The following DDB2 variants were observed in gnomAD, a reference collection of about 807,000 sequenced individuals.
The protein encoded by DDB2 is DNA damage-binding protein 2.
A neutral mutation model predicts 50.5 loss-of-function variants in DDB2; 27 were observed. The ratio of observed to expected loss-of-function variants is 0.53; its 90% confidence interval spans 0.39 to 0.74. The LOEUF is 0.74. Among genes scored for constraint, DDB2 ranks in the 30% least tolerant of loss-of-function variants. The pLI, the probability that DDB2 is intolerant of heterozygous loss-of-function variation, is 0.00. For missense variants in DDB2, 424 were observed against 545.6 expected (o/e 0.78, Z 2.22); for synonymous variants, 176 against 205.5 (o/e 0.86, Z 1.23).
rs1565150251 is a variant in DDB2, at chr11:47,216,480, A to AT, written c.264+14dup. On this transcript the variant is annotated intron_variant, in intron 2 of 9. Coordinates refer to ENST00000256996, the MANE Select transcript of DDB2 (RefSeq NM_000107.3). Reference sequence around the variant, plus strand: ...TGGCCATCTGTCCAGCAGGTAAGGCATTTTTTGCCTCAAGTCCTCAAGGGT... The same window carrying AT: ...TGGCCATCTGTCCAGCAGGTAAGGCATTTTTTTGCCTCAAGTCCTCAAGGGT... The AT allele has an allele frequency of 1.2e-6, 2 of 1,612,732 alleles. No homozygotes were observed. Among genetic ancestry groups the AT allele is most frequent in the East Asian group, 2.2e-5 (1 of 44,874 alleles).
intron 4 of DDB2, 49 bp from the exon 5 acceptor site, chr11:47,234,524 A>G (rs746985177): frequency 2.0e-6 from 3 of 1,493,220 alleles, no homozygotes; most frequent in Non-Finnish European, 2.8e-6. Flanking sequence ...GTGAGTAAAT[A>G]GGACTATCTC....
In DDB2 at chr11:47,215,100, C is replaced by T. The variant is rs758089001; in HGVS notation, c.-37C>T. ...CTCTCAATCCTCCCTCCATGATCTT[C>T]GCATAGAGCACAGTACCCCTTCACA... On this transcript the variant is annotated 5_prime_UTR_variant, in exon 1 of 10. Transcript: ENST00000256996. 2.0e-5 allele frequency: 32 copies of T among 1,613,786 alleles called. No individual in the cohort carries two copies. Among genetic ancestry groups the T allele is most frequent in the Non-Finnish European group, 8.5e-6 (10 of 1,179,934 alleles).
intron 7 of DDB2, chr11:47,236,091 C>T (rs1221370766): frequency 6.6e-6 from 1 of 152,046 alleles, no homozygotes; most frequent in Non-Finnish European, 1.5e-5. Context: ...CGCCACCATA[C>T]CCAGCTAATT....
rs541629437 is a variant in DDB2 at position 47,216,911 on chromosome 11, G to C, written c.318G>C (p.Lys106Asn). 1 of 1,614,064 alleles carries C rather than the reference G, an allele frequency of 6.2e-7. No individual in the cohort carries two copies. The highest frequency in any genetic ancestry group is 8.5e-7 in the Non-Finnish European group (1 of 1,180,014). The change falls in exon 3 of 10, where the codon AAG becomes AAC. Residue 106 changes from lysine (K) to asparagine (N), a missense_variant. Lys to Asn is a moderately conservative substitution (Grantham distance 94, BLOSUM62 0). Transcript: ENST00000256996. ...TGGATTCTTACCGGATATTACAAAA[G>C]GCTGCCCCCTTTGACAGGAGGGCTA... ...HTLDSYRILQ[K>N]AAPFDRRATS...
rs561547915 is a variant in DDB2 at position 47,236,848 on chromosome 11, G to A, written c.1024-989G>A. On this transcript the variant is annotated intron_variant, in intron 7 of 9. Transcript: ENST00000256996. ...TCCATCTGTCTGCATGTCCCAGTTT[G>A]TATCTAGCCAGGTGTCGTAAGTCAT... 1.6e-4 allele frequency among the ~76,000 whole-genome samples: 24 copies of A among 152,324 alleles called. No individual in the cohort carries two copies. The South Asian group carries it at 1.7e-3, about 11-fold the overall frequency.
intron 6 of DDB2, 65 bp from the exon 7 acceptor site, chr11:47,235,204 GC>G (rs1356226183): frequency 7.5e-6 from 12 of 1,596,170 alleles, no homozygotes; most frequent in Non-Finnish European, 1.0e-5. Flanking sequence ...GCAGGAGAAG[GC>G]CTGCAAGGCC....
At position 47,235,240 on chromosome 11, in the gene DDB2, C is replaced by T. The variant is rs1221060245; in HGVS notation, c.881-30C>T. On this transcript the variant is annotated intron_variant, in intron 6 of 9. Coordinates refer to ENST00000256996, the MANE Select transcript of DDB2 (RefSeq NM_000107.3). ...CAGGACCACAGAGGGCTTGTGGTTC[C>T]TTCAGCTCAGGGGCTTTTCACTTTG... is the stretch of plus-strand genomic sequence containing the variant. The T allele has an allele frequency of 1.9e-6, 3 of 1,614,250 alleles. No individual in the cohort carries two copies. In the South Asian group the frequency reaches 3.3e-5, roughly 18 times the overall value.
chr11:47,231,373 G>A (rs541838147), intron 3 of DDB2, among the ~76,000 whole-genome samples: 1 of 152,260 alleles, frequency 6.6e-6, no homozygotes, highest in African/African-American at 2.4e-5. Context: ...GCACATCCAT[G>A]TAATGGAATA....
At chr11:47,233,963 G>A (rs1374017969) in intron 4 of DDB2, among the ~76,000 whole-genome samples, 1 of 152,200 alleles carries the variant, frequency 6.6e-6, no homozygotes, top group African/African-American at 2.4e-5. Context: ...ATGGCAAAAG[G>A]CAGTGTAGCA....
At chr11:47,223,197 T>C (rs954556146) in intron 3 of DDB2, among the ~76,000 whole-genome samples, 1 of 152,238 alleles carries the variant, frequency 6.6e-6, no homozygotes, top group Admixed American at 6.5e-5. Flanking sequence ...TTAAAGATGA[T>C]GTCTAGGCTG....
rs765800018 is a variant in DDB2 at position 47,234,687 on chromosome 11, G to A, written c.702+15G>A. Reference sequence around the variant, plus strand: ...ACGGCAAAGAGGTGCGTTCTCCGAGGTCCTGCCTTTCCCTCCCTCACCCCC... The same window carrying A: ...ACGGCAAAGAGGTGCGTTCTCCGAGATCCTGCCTTTCCCTCCCTCACCCCC... On this transcript the variant is annotated intron_variant, in intron 5 of 9. Coordinates refer to ENST00000256996, the MANE Select transcript of DDB2 (RefSeq NM_000107.3). 1 of 1,613,976 alleles carries A rather than the reference G, an allele frequency of 6.2e-7. No individual in the cohort carries two copies. The highest frequency in any genetic ancestry group is 2.2e-5 in the East Asian group (1 of 44,874).
intron 3 of DDB2, chr11:47,229,811 G>A (rs1193934568): frequency 4.9e-6 from 2 of 404,444 alleles, no homozygotes; most frequent in East Asian, 7.4e-5. Context: ...TTAATTTGAT[G>A]GCTCTTCTTT....
At chr11:47,229,953 C>T (rs1444271130) in intron 3 of DDB2, among the ~76,000 whole-genome samples, 2 of 151,506 alleles carry the variant, frequency 1.3e-5, no homozygotes, top group African/African-American at 4.9e-5. Flanking sequence ...ACCTCAGCCT[C>T]TCGAATAGCT....
At chr11:47,232,538 C>T (rs1170680892) in intron 3 of DDB2, among the ~76,000 whole-genome samples, 2 of 151,680 alleles carry the variant, frequency 1.3e-5, no homozygotes, top group Admixed American at 1.3e-4. Flanking sequence ...ACTTGGGAGG[C>T]TGAGGTGGGA....
At chr11:47,226,572 C>CTTTTCTGT (rs1167087508) in intron 3 of DDB2, among the ~76,000 whole-genome samples, 5 of 152,006 alleles carry the variant, frequency 3.3e-5, no homozygotes, top group Non-Finnish European at 7.4e-5. Context: ...CATGCTCGGC[C>CTTTTCTGT]TTTTCTGTTT....
chr11:47,232,815 T>G lies in DDB2; in HGVS notation c.458T>G (p.Ile153Ser). 1 of 1,613,530 alleles carries G rather than the reference T, an allele frequency of 6.2e-7. No homozygotes were observed. Among genetic ancestry groups the G allele is most frequent in the Non-Finnish European group, 8.5e-7 (1 of 1,179,988 alleles). ...TGGCTTTTTCCTTCCTCGTGTTAGA[T>G]TGGAGCTGGAGGGAGCATCACTGGG... ...IKDKPTFIKG[I>S]GAGGSITGLK... is the part of the protein sequence containing the mutation. The change falls in exon 4 of 10, where the codon ATT becomes AGT. Residue 153 changes from isoleucine (I) to serine (S), a missense_variant and splice_region_variant. Ile to Ser is a moderately radical substitution (Grantham distance 142). Transcript: ENST00000256996.
At chr11:47,237,796 G>A in intron 7 of DDB2, 41 bp from the exon 8 acceptor site, 2 of 1,606,242 alleles carry the variant, frequency 1.2e-6, no homozygotes, top group Middle Eastern at 3.3e-4. Flanking sequence ...CCTTGATCAT[G>A]TTCTGTGTTT....
At chr11:47,229,812 G>T (rs1327631830) in intron 3 of DDB2, 2 of 396,820 alleles carry the variant, frequency 5.0e-6, no homozygotes, top group African/African-American at 2.3e-5. Context: ...TAATTTGATG[G>T]CTCTTCTTTT....
intron 3 of DDB2, among the ~76,000 whole-genome samples, chr11:47,227,280 T>G (rs963505832): frequency 9.3e-5 from 14 of 150,800 alleles, no homozygotes; most frequent in African/African-American, 3.4e-4. Context: ...CTAATTTTTG[T>G]GCTTTTAGTA....
Sources: allele counts gnomAD v4.1 joint callset (sites outside exome capture counted in the v4.1 genomes callset), GRCh38; gene constraint gnomAD v4.1.1; transcripts MANE v1.5; gene names NCBI Gene and HGNC (gene_info 2026-07-23, HGNC 2026-07-21).